CCN4: variants seen among roughly 807,000 people sequenced by gnomAD.
CCN4 encodes cellular communication network factor 4, also known as CCN family member 4.
Under a neutral mutation model 36.7 loss-of-function variants are expected in CCN4, and 30 were observed. The observed-to-expected ratio is 0.82, with a 90% confidence interval of 0.61 to 1.11. The LOEUF (loss-of-function observed/expected upper bound fraction) is 1.11. Among genes scored for constraint, CCN4 ranks in the 50% least tolerant of loss-of-function variants. The pLI is 0.00. For missense variants in CCN4, 505 were observed against 504.9 expected, an observed-to-expected ratio of 1.00 and a Z score of 0.00; for synonymous variants, 191 against 195.4, an observed-to-expected ratio of 0.98 and a Z score of 0.19.
At chr8:133,212,676 T>G (rs1854097150) in intron 1 of CCN4, among the ~76,000 whole-genome samples, 188 bp from the exon 2 acceptor site, 1 of 152,226 alleles carries the variant, frequency 6.6e-6, no homozygotes, top group African/African-American at 2.4e-5. Context: ...CGCTGCATGT[T>G]GGGCTCCTCT....
At chr8:133,210,852 G>T (rs921081462) in intron 1 of CCN4, among the ~76,000 whole-genome samples, 1 of 152,200 alleles carries the variant, frequency 6.6e-6, no homozygotes, top group East Asian at 1.9e-4. Flanking sequence ...AGTCAGGAGA[G>T]TCCGCCCAGA....
intron 1 of CCN4, among the ~76,000 whole-genome samples, chr8:133,201,415 T>C (rs984374456): frequency 6.6e-6 from 1 of 152,176 alleles, no homozygotes; most frequent in African/African-American, 2.4e-5. Context: ...GTTACAAAAT[T>C]GTAACTAATT....
At chr8:133,219,999 C>G (rs1368811432) in intron 2 of CCN4, among the ~76,000 whole-genome samples, 1 of 152,016 alleles carries the variant, frequency 6.6e-6, no homozygotes, top group African/African-American at 2.4e-5. Context: ...TGTCTCCCCC[C>G]GCCCAACTCC....
intron 3 of CCN4, among the ~76,000 whole-genome samples, chr8:133,221,971 C>T (rs1310721101): frequency 1.4e-5 from 2 of 146,442 alleles, no homozygotes; most frequent in South Asian, 2.2e-4. Flanking sequence ...GACGAGGGGA[C>T]AGATGGATGG....
intron 1 of CCN4, among the ~76,000 whole-genome samples, chr8:133,204,493 G>T (rs530526723): frequency 1.4e-5 from 2 of 146,856 alleles, no homozygotes; most frequent in African/African-American, 5.5e-5. Flanking sequence ...AATTCCCAAG[G>T]GTTGCTGGTC....
chr8:133,191,890 G>A (rs1588174882), intron 1 of CCN4, among the ~76,000 whole-genome samples: 1 of 152,200 alleles, frequency 6.6e-6, no homozygotes, highest in East Asian at 1.9e-4. Flanking sequence ...GCACCCCAGA[G>A]TCTCTCTCTC....
intron 1 of CCN4, among the ~76,000 whole-genome samples, chr8:133,210,266 C>T (rs2130568988): frequency 6.6e-6 from 1 of 152,224 alleles, no homozygotes; most frequent in African/African-American, 2.4e-5. Context: ...ATTTCCTCTG[C>T]CAAGAGCACG....
intron 4 of CCN4, 151 bp from the exon 5 acceptor site, chr8:133,227,260 G>C (rs968570703): frequency 5.6e-6 from 4 of 711,776 alleles, no homozygotes; most frequent in Non-Finnish European, 9.1e-6. Context: ...TGTGTTTGCT[G>C]TTGTCCCTCC....
chr8:133,207,348 G>A (rs1280641726), intron 1 of CCN4, among the ~76,000 whole-genome samples: 3 of 152,242 alleles, frequency 2.0e-5, no homozygotes, highest in Non-Finnish European at 4.4e-5. Context: ...GAACCCTGAA[G>A]GGACAGGTAC....
At chr8:133,195,082 T>TG (rs1853325527) in intron 1 of CCN4, among the ~76,000 whole-genome samples, 4 of 147,794 alleles carry the variant, frequency 2.7e-5, no homozygotes, top group Non-Finnish European at 6.0e-5. Context: ...TGTAGTGTGC[T>TG]TGTGTGTGTG....
intron 1 of CCN4, among the ~76,000 whole-genome samples, chr8:133,191,421 C>T (rs1275536661): frequency 6.6e-6 from 1 of 152,178 alleles, no homozygotes; most frequent in Non-Finnish European, 1.5e-5. Flanking sequence ...CGGTGCGACA[C>T]TTGGGGAAAC....
At chr8:133,212,819 C>T (rs771823154) in intron 1 of CCN4, 45 bp from the exon 2 acceptor site, 1 of 1,448,920 alleles carries the variant, frequency 6.9e-7, no homozygotes, top group Non-Finnish European at 9.3e-7. Flanking sequence ...GGCGTTGAAA[C>T]CCCTGTCTCA....
intron 1 of CCN4, among the ~76,000 whole-genome samples, chr8:133,207,697 TCTC>T (rs141187174): frequency 0.017 from 2,525 of 152,228 alleles, 80 homozygotes; most frequent in African/African-American, 0.059. Flanking sequence ...CAAACAGAGT[TCTC>T]CATATAGAAT....
At chr8:133,212,736 G>A (rs7828685) in intron 1 of CCN4, 128 bp from the exon 2 acceptor site, 474,431 of 740,380 alleles carry the variant, frequency 0.64, 154,040 homozygotes, top group African/African-American at 0.86. Context: ...TATCAAAAGC[G>A]TGATAGAAAA....
chr8:133,197,316 G>A (rs1357695981), intron 1 of CCN4, among the ~76,000 whole-genome samples: 5 of 152,124 alleles, frequency 3.3e-5, no homozygotes, highest in African/African-American at 9.7e-5. Context: ...GTGGAACAGA[G>A]GTTTATATTA....
At chr8:133,227,257 G>A (rs1854769979) in intron 4 of CCN4, among the ~76,000 whole-genome samples, 154 bp from the exon 5 acceptor site, 1 of 152,234 alleles carries the variant, frequency 6.6e-6, no homozygotes, top group Non-Finnish European at 1.5e-5. Context: ...CACTGTGTTT[G>A]CTGTTGTCCC....
At chr8:133,214,461 T>C (rs964481612) in intron 2 of CCN4, among the ~76,000 whole-genome samples, 6 of 152,090 alleles carry the variant, frequency 3.9e-5, no homozygotes, top group Non-Finnish European at 8.8e-5. Context: ...TGGCCTTTGC[T>C]TTTTCTTTAT....
chr8:133,218,797 A>G (rs534998986), intron 2 of CCN4, among the ~76,000 whole-genome samples: 14 of 152,126 alleles, frequency 9.2e-5, no homozygotes, highest in Middle Eastern at 3.4e-3. Context: ...ACTCTCCCTG[A>G]CTCCAAACTG....
intron 1 of CCN4, among the ~76,000 whole-genome samples, chr8:133,209,254 C>T (rs541418807): frequency 1.3e-5 from 2 of 152,162 alleles, no homozygotes; most frequent in South Asian, 4.1e-4. Context: ...GCCTGCAGAC[C>T]CAAATCCTAG....
Sources: gnomAD v4.1 joint callset for allele counts (sites outside exome capture counted in the v4.1 genomes callset) on GRCh38, gnomAD v4.1.1 for gene constraint, MANE v1.5 for transcripts, NCBI Gene and HGNC (gene_info 2026-07-23, HGNC 2026-07-21) for gene names.